Variants in EXOC6B observed in about 807,000 individuals in gnomAD.
EXOC6B encodes SEC15 homolog B.
Under a neutral mutation model 113.5 loss-of-function variants are expected in EXOC6B, and 54 were observed. The observed-to-expected ratio is 0.48, with a 90% CI of 0.38 to 0.60. The LOEUF is 0.60. Among genes scored for constraint, EXOC6B ranks in the 20% least tolerant of loss-of-function variants. EXOC6B has a pLI of 0.00. For synonymous variants in EXOC6B, 357 were observed against 339.0 expected (o/e 1.05, Z -0.58); for missense variants, 797 against 977.5 (o/e 0.82, Z 2.46).
intron 6 of EXOC6B, among the ~76,000 whole-genome samples, chr2:72,653,178 T>G (rs1674317534): frequency 6.6e-6 from 1 of 151,242 alleles, no homozygotes. Flanking sequence ...AATGATAGAC[T>G]GGATTAAGAA....
intron 14 of EXOC6B, 149 bp from the exon 15 acceptor site, chr2:72,495,688 T>C: frequency 1.7e-6 from 1 of 587,786 alleles, no homozygotes; most frequent in East Asian, 3.0e-5. Context: ...CTCCCAAAGT[T>C]TTCTGATATT....
chr2:72,620,255 C>T (rs865822540), intron 6 of EXOC6B, among the ~76,000 whole-genome samples: 4 of 152,166 alleles, frequency 2.6e-5, no homozygotes, highest in Non-Finnish European at 5.9e-5. Context: ...AGCTGGAACC[C>T]GACTTCAAGC....
At chr2:72,266,735 C>G (rs1284687035) in intron 20 of EXOC6B, among the ~76,000 whole-genome samples, 1 of 152,024 alleles carries the variant, frequency 6.6e-6, no homozygotes, top group Non-Finnish European at 1.5e-5. Context: ...CTTGGTGATG[C>G]GGGCTCTTTT....
At chr2:72,181,632 G>A (rs891625049) in intron 21 of EXOC6B, among the ~76,000 whole-genome samples, 1 of 152,160 alleles carries the variant, frequency 6.6e-6, no homozygotes, top group African/African-American at 2.4e-5. Context: ...ATGACTCCTG[G>A]AAGCAGCTGA....
At chr2:72,502,342 A>T (rs1573271521) in intron 11 of EXOC6B, among the ~76,000 whole-genome samples, 1 of 152,164 alleles carries the variant, frequency 6.6e-6, no homozygotes, top group East Asian at 1.9e-4. Context: ...GAGGTCAGAA[A>T]CTCTGGGCCA....
At chr2:72,613,119 T>G (rs765930003) in intron 6 of EXOC6B, among the ~76,000 whole-genome samples, 14 of 152,212 alleles carry the variant, frequency 9.2e-5, no homozygotes, top group Non-Finnish European at 1.8e-4. Flanking sequence ...TATTTCGATG[T>G]ATTTTTTGAC....
intron 20 of EXOC6B, among the ~76,000 whole-genome samples, chr2:72,296,657 T>A (rs1291727012): frequency 6.6e-6 from 1 of 152,166 alleles, no homozygotes; most frequent in Non-Finnish European, 1.5e-5. Context: ...TCATAACTAA[T>A]TCTCTAGGTA....
chr2:72,503,328 C>T lies in EXOC6B; in HGVS notation c.1168-3356G>A, dbSNP rs1388987601. Among the ~76,000 whole-genome samples the T allele has an allele frequency of 3.9e-5, 6 of 152,168 alleles. No individual in the cohort carries two copies. In the East Asian group the frequency reaches 1.2e-3, roughly 29 times the overall value. ...GAACTATTTTGCTGTCCCCCAAATA[C>T]CCTGTGCTCTGCCTATTCATCCCAT... On this transcript the variant is annotated intron_variant, in intron 11 of 21. Transcript: ENST00000272427.
At chr2:72,385,215 T>C (rs1167189706) in intron 18 of EXOC6B, among the ~76,000 whole-genome samples, 3 of 152,108 alleles carry the variant, frequency 2.0e-5, no homozygotes, top group Non-Finnish European at 2.9e-5. Flanking sequence ...CACACATTTA[T>C]GGTCAACAAA....
At chr2:72,232,822 T>C (rs1681712917) in intron 20 of EXOC6B, among the ~76,000 whole-genome samples, 1 of 152,156 alleles carries the variant, frequency 6.6e-6, no homozygotes, top group South Asian at 2.1e-4. Context: ...CCTATAATCC[T>C]AGCCTTTGGC....
intron 5 of EXOC6B, among the ~76,000 whole-genome samples, chr2:72,718,965 A>C (rs181675167): frequency 2.0e-5 from 3 of 152,264 alleles, no homozygotes; most frequent in Non-Finnish European, 2.9e-5. Context: ...AAAGCTTGGC[A>C]AATCTTCTAT....
chr2:72,663,792 T>A lies in EXOC6B; in HGVS notation c.669+54311A>T, dbSNP rs371271521. ...GCTATGGTATATGTCATTATATATT[T>A]CTTAAGAACTATAGAATATACAATG... On this transcript the variant is annotated intron_variant, in intron 6 of 21. Coordinates refer to ENST00000272427, the MANE Select transcript of EXOC6B (RefSeq NM_015189.3). 2.0e-5 allele frequency among the ~76,000 whole-genome samples: 3 copies of A among 152,308 alleles called. No homozygotes were observed. The East Asian group carries it at 5.8e-4, about 29-fold the overall frequency.
chr2:72,219,511 CCT>C (rs1411164199), intron 20 of EXOC6B, among the ~76,000 whole-genome samples: 22 of 152,030 alleles, frequency 1.4e-4, no homozygotes, highest in Non-Finnish European at 1.5e-5. Context: ...CACAATTTTA[CCT>C]CTTTCATTTT....
intron 8 of EXOC6B, among the ~76,000 whole-genome samples, chr2:72,532,564 C>T (rs1195527036): frequency 6.6e-6 from 1 of 152,144 alleles, no homozygotes; most frequent in Non-Finnish European, 1.5e-5. Flanking sequence ...AATCCCAGCA[C>T]TTTGGGAGGC....
chr2:72,372,670 G>A (rs573064719), intron 19 of EXOC6B, among the ~76,000 whole-genome samples: 5 of 151,854 alleles, frequency 3.3e-5, no homozygotes, highest in East Asian at 3.9e-4. Flanking sequence ...ATGGTGAAAC[G>A]CTGTCTCTAC....
intron 18 of EXOC6B, among the ~76,000 whole-genome samples, chr2:72,416,445 A>G (rs906645299): frequency 9.2e-5 from 14 of 152,232 alleles, no homozygotes; most frequent in African/African-American, 2.7e-4. Flanking sequence ...TATCTAACAT[A>G]TAACTGCAGA....
intron 20 of EXOC6B, among the ~76,000 whole-genome samples, chr2:72,233,021 G>A (rs1377712047): frequency 2.0e-5 from 3 of 151,250 alleles, no homozygotes; most frequent in Non-Finnish European, 2.9e-5. Context: ...TCAGTGAGCC[G>A]AGACCATGCC....
chr2:72,558,965 A>T (rs568059481), intron 8 of EXOC6B, among the ~76,000 whole-genome samples: 1 of 152,264 alleles, frequency 6.6e-6, no homozygotes, highest in African/African-American at 2.4e-5. Flanking sequence ...CTTTCTGTGT[A>T]TCTATGTGTC....
chr2:72,586,522 G>T (rs940432288), intron 6 of EXOC6B, among the ~76,000 whole-genome samples: 1 of 152,158 alleles, frequency 6.6e-6, no homozygotes, highest in African/African-American at 2.4e-5. Context: ...GGAGGCCGAG[G>T]TGGGCAGATC....
Sources: gnomAD v4.1 joint callset for allele counts (sites outside exome capture counted in the v4.1 genomes callset) on GRCh38, gnomAD v4.1.1 for gene constraint, MANE v1.5 for transcripts, NCBI Gene and HGNC (gene_info 2026-07-23, HGNC 2026-07-21) for gene names.